DLGAP2: variants seen among roughly 807,000 people sequenced by gnomAD.
DLGAP2 encodes disks large-associated protein 2.
DLGAP2 carries 26 observed loss-of-function variants against 100.3 expected under a neutral mutation model. That is an observed-to-expected ratio of 0.26 (90% CI 0.19 to 0.36). The LOEUF is 0.36. Among genes scored for constraint, DLGAP2 ranks in the 10% least tolerant of loss-of-function variants. The pLI, the probability that DLGAP2 is intolerant of heterozygous loss-of-function variation, is 1.00. For missense variants in DLGAP2, 1,858 were observed against 1,453.2 expected (o/e 1.28, Z -4.53); for synonymous variants, 886 against 630.1 (o/e 1.41, Z -6.08).
intron 3 of DLGAP2, among the ~76,000 whole-genome samples, chr8:1,447,807 A>G (rs1798023300): frequency 6.6e-6 from 1 of 152,222 alleles, no homozygotes; most frequent in South Asian, 2.1e-4. Context: ...TTCCTGGTTT[A>G]GTCTTGGGAC....
intron 2 of DLGAP2, among the ~76,000 whole-genome samples, chr8:1,055,999 C>A (rs143225712): frequency 2.2e-4 from 33 of 152,204 alleles, no homozygotes; most frequent in African/African-American, 8.0e-4. Context: ...ATGCAGGAAG[C>A]TGCTCCTTAT....
intron 1 of DLGAP2, among the ~76,000 whole-genome samples, chr8:760,895 G>C (rs1160661019): frequency 3.9e-5 from 6 of 152,148 alleles, no homozygotes; most frequent in Admixed American, 3.9e-4. Flanking sequence ...TGCTGCGGGA[G>C]ACCCTAATTC....
intron 3 of DLGAP2, among the ~76,000 whole-genome samples, chr8:1,483,443 A>G (rs1799154100): frequency 6.7e-6 from 1 of 148,810 alleles, no homozygotes; most frequent in Admixed American, 6.6e-5. Flanking sequence ...GCTGTGTAAG[A>G]GGCTCAGGGA....
chr8:1,229,366 T>G (rs1270836102), intron 2 of DLGAP2, among the ~76,000 whole-genome samples: 1 of 152,158 alleles, frequency 6.6e-6, no homozygotes, highest in East Asian at 1.9e-4. Flanking sequence ...TGAAGCTTTT[T>G]TAAGTTGGAT....
chr8:858,855 C>G (rs950380664), intron 1 of DLGAP2, among the ~76,000 whole-genome samples: 1 of 152,178 alleles, frequency 6.6e-6, no homozygotes, highest in Non-Finnish European at 1.5e-5. Context: ...TGGACAACAC[C>G]AAGAGTAGCC....
chr8:1,018,334 A>G (rs1336946892), intron 2 of DLGAP2, among the ~76,000 whole-genome samples: 1 of 152,204 alleles, frequency 6.6e-6, no homozygotes, highest in African/African-American at 2.4e-5. Context: ...AAGAAACTCA[A>G]TTGATTTGAC....
chr8:988,217 T>C (rs546494323), intron 2 of DLGAP2, among the ~76,000 whole-genome samples: 3 of 152,296 alleles, frequency 2.0e-5, no homozygotes, highest in Admixed American at 2.0e-4. Context: ...AGTATTCAGA[T>C]AGAGAAATAG....
chr8:1,427,810 T>C (rs1222838067), intron 3 of DLGAP2, among the ~76,000 whole-genome samples: 1 of 152,232 alleles, frequency 6.6e-6, no homozygotes, highest in Non-Finnish European at 1.5e-5. Context: ...ATAAGTCTCT[T>C]TCTTTTGTAA....
chr8:1,228,285 T>G (rs1798464155), intron 2 of DLGAP2, among the ~76,000 whole-genome samples: 1 of 152,050 alleles, frequency 6.6e-6, no homozygotes, highest in Non-Finnish European at 1.5e-5. Flanking sequence ...TCTGAAAAGA[T>G]CTATAACATG....
At chr8:943,302 A>G (rs1799236651) in intron 2 of DLGAP2, among the ~76,000 whole-genome samples, 1 of 82,746 alleles carries the variant, frequency 1.2e-5, no homozygotes, top group South Asian at 3.9e-4. Flanking sequence ...CATCAGTGGG[A>G]AAAAAAAATC....
In DLGAP2 at chr8:1,376,326, C is replaced by T. The variant is rs551127128; in HGVS notation, c.106+117443C>T. 3.9e-4 allele frequency among the ~76,000 whole-genome samples: 60 copies of T among 152,348 alleles called. 1 individual carries two copies. The highest frequency in any genetic ancestry group is 6.5e-4 in the Non-Finnish European group (44 of 68,028). ...GTGCCGTTTCTTCTCACTCCATCAG[C>T]CAGCTCCTGTGCACCGCAGTCCCTC... On this transcript the variant is annotated intron_variant, in intron 3 of 14. Coordinates refer to ENST00000637795, the MANE Select transcript of DLGAP2 (RefSeq NM_001346810.2).
chr8:769,415 A>G (rs867514164), intron 1 of DLGAP2, among the ~76,000 whole-genome samples: 2 of 152,030 alleles, frequency 1.3e-5, no homozygotes, highest in Admixed American at 6.6e-5. Flanking sequence ...GGCAGACAGG[A>G]AGCATAGCCA....
chr8:1,174,091 G>A (rs1490748884), intron 2 of DLGAP2, among the ~76,000 whole-genome samples: 1 of 152,192 alleles, frequency 6.6e-6, no homozygotes, highest in East Asian at 1.9e-4. Flanking sequence ...TGGGAGCAGT[G>A]TTAAACAGTG....
intron 11 of DLGAP2, among the ~76,000 whole-genome samples, chr8:1,677,034 C>T (rs1446580330): frequency 6.6e-6 from 1 of 152,088 alleles, no homozygotes; most frequent in Non-Finnish European, 1.5e-5. Context: ...AAAAATATTA[C>T]CTAGAAACAA....
intron 2 of DLGAP2, chr8:910,302 T>A (rs1391847990): frequency 2.6e-5 from 4 of 152,254 alleles, no homozygotes; most frequent in African/African-American, 9.6e-5. Flanking sequence ...ACATGTCATG[T>A]TTCTGAATTA....
At chr8:1,368,305 ATGTGCATAGCTGTGTG>A (rs1802156702) in intron 3 of DLGAP2, among the ~76,000 whole-genome samples, 1 of 151,418 alleles carries the variant, frequency 6.6e-6, no homozygotes, top group Non-Finnish European at 1.5e-5. Flanking sequence ...GTGTATGTGC[ATGTGCATAGCTGTGTG>A]TGTGCATGCA....
At chr8:1,690,275 G>C (rs1227777788) in intron 12 of DLGAP2, among the ~76,000 whole-genome samples, 1 of 151,848 alleles carries the variant, frequency 6.6e-6, no homozygotes, top group East Asian at 1.9e-4. Flanking sequence ...AGAATCACTT[G>C]AATTCAGGAG....
At chr8:1,331,391 G>A (rs756089618) in intron 3 of DLGAP2, among the ~76,000 whole-genome samples, 6 of 151,996 alleles carry the variant, frequency 3.9e-5, no homozygotes, top group African/African-American at 1.2e-4. Flanking sequence ...CCTTTCCTAC[G>A]GACTCGAGCC....
intron 3 of DLGAP2, among the ~76,000 whole-genome samples, chr8:1,298,950 G>T (rs1254077865): frequency 6.6e-6 from 1 of 152,076 alleles, no homozygotes; most frequent in African/African-American, 2.4e-5. Context: ...GTCGAGCTGC[G>T]GCATTCACGT....
Sources: gnomAD v4.1 joint callset for allele counts (sites outside exome capture counted in the v4.1 genomes callset) on GRCh38, gnomAD v4.1.1 for gene constraint, MANE v1.5 for transcripts, NCBI Gene and HGNC (gene_info 2026-07-23, HGNC 2026-07-21) for gene names.